The following GABPB1 variants were observed in gnomAD, a reference collection of about 807,000 sequenced individuals.
The protein encoded by GABPB1 is GA-binding protein subunit beta-1.
GABPB1 carries 15 observed loss-of-function variants against 45.9 expected under a neutral mutation model. The ratio of observed to expected loss-of-function variants is 0.33; its 90% CI spans 0.22 to 0.50. The LOEUF (loss-of-function observed/expected upper bound fraction) is 0.50, where lower values mean the gene tolerates loss of function less well. Among genes scored for constraint, GABPB1 ranks in the 20% least tolerant of loss-of-function variants. GABPB1 has a pLI of 0.98. For missense variants in GABPB1, 252 were observed against 457.5 expected, an observed-to-expected ratio of 0.55 and a Z score of 4.10; for synonymous variants, 143 against 154.4, an observed-to-expected ratio of 0.93 and a Z score of 0.55.
At chr15:50,354,779 G>A in intron 1 of GABPB1, 1 of 236,150 alleles carries the variant, frequency 4.2e-6, no homozygotes, top group Non-Finnish European at 8.5e-6. Flanking sequence ...ACAAAGCGCA[G>A]CGGCGGCGCG....
Position 50,305,276 on chromosome 15 carries a change from ATCTC to A in GABPB1, c.109-1147_109-1144del, listed in dbSNP as rs1192106173. Among the ~76,000 whole-genome samples the A allele has an allele frequency of 5.3e-5, 6 of 114,040 alleles. No homozygotes were observed. The East Asian group carries it at 9.7e-4, about 18-fold the overall frequency. 74.8% of individuals were successfully genotyped at this position (114,040 alleles called of 152,430 possible). A position where few individuals can be genotyped will look rare whatever the true frequency, so the allele number is the denominator to read the frequency against. The stretch of plus-strand genomic sequence containing the variant: ...TATATGTATAAAGGTCCTTAGTCCT[ATCTC>A]TCTATCTATCTATCTATAGATAGAG... On this transcript the variant is annotated intron_variant, in intron 2 of 8. Transcript: ENST00000380877.
chr15:50,282,560 GAAAAA>G (rs552203074), intron 8 of GABPB1, among the ~76,000 whole-genome samples: 2 of 88,992 alleles, frequency 2.2e-5, no homozygotes, highest in South Asian at 4.3e-4. Context: ...CCTTAAAAAA[GAAAAA>G]AAAAAAAAAA....
chr15:50,315,781 T>C (rs2047304666), intron 1 of GABPB1, among the ~76,000 whole-genome samples: 1 of 152,156 alleles, frequency 6.6e-6, no homozygotes, highest in African/African-American at 2.4e-5. Flanking sequence ...AATATCTATA[T>C]ATTAAAATTC....
At chr15:50,292,314 CAAAAAAAAAAAAA>C (rs762047613) in intron 6 of GABPB1, among the ~76,000 whole-genome samples, 1 of 49,570 alleles carries the variant, frequency 2.0e-5, no homozygotes, top group Non-Finnish European at 5.1e-5. Context: ...GACTCCATCT[CAAAAAAAAAAAAA>C]AAAAAAAAAA....
At chr15:50,352,165 TAATTTCTG>T (rs553286563) in intron 1 of GABPB1, 4 of 152,232 alleles carry the variant, frequency 2.6e-5, no homozygotes, top group East Asian at 1.9e-4. Flanking sequence ...AAACTTCATG[TAATTTCTG>T]AATTTCTGAA....
At chr15:50,349,708 T>C (rs1054785973) in intron 1 of GABPB1, 3 of 152,232 alleles carry the variant, frequency 2.0e-5, no homozygotes, top group African/African-American at 4.8e-5. Context: ...TTACAAATTC[T>C]CATGTACAAT....
At chr15:50,332,466 C>CT (rs1281537703) in intron 1 of GABPB1, among the ~76,000 whole-genome samples, 1 of 151,958 alleles carries the variant, frequency 6.6e-6, no homozygotes, top group African/African-American at 2.4e-5. Context: ...TTTTTTAAAT[C>CT]TTTTTTTAGA....
chr15:50,336,774 T>C (rs530418543), intron 1 of GABPB1, among the ~76,000 whole-genome samples: 4 of 151,474 alleles, frequency 2.6e-5, no homozygotes, highest in African/African-American at 9.7e-5. Flanking sequence ...ATTGGTCTAT[T>C]TTATGGTTTA....
chr15:50,323,726 T>G (rs568603863), intron 1 of GABPB1, among the ~76,000 whole-genome samples: 1 of 152,076 alleles, frequency 6.6e-6, no homozygotes, highest in East Asian at 1.9e-4. Flanking sequence ...ATTAGCTGTA[T>G]GTGGTCCTGT....
intron 8 of GABPB1, among the ~76,000 whole-genome samples, chr15:50,281,500 T>G (rs565799992): frequency 2.0e-5 from 3 of 152,160 alleles, no homozygotes; most frequent in Admixed American, 6.5e-5. Flanking sequence ...CGTGAGCCAC[T>G]GCGCCCGGCC....
intron 1 of GABPB1, among the ~76,000 whole-genome samples, chr15:50,345,245 AAG>A (rs959736804): frequency 6.6e-5 from 10 of 152,224 alleles, no homozygotes; most frequent in Non-Finnish European, 1.5e-4. Flanking sequence ...ACTAGCTGAA[AAG>A]AGTCAGGATG....
At chr15:50,338,269 A>G (rs2048218137) in intron 1 of GABPB1, among the ~76,000 whole-genome samples, 1 of 151,748 alleles carries the variant, frequency 6.6e-6, no homozygotes, top group Non-Finnish European at 1.5e-5. Context: ...CGAACTCCTA[A>G]CCTCAGGCGA....
chr15:50,331,362 T>G (rs2141125369), intron 1 of GABPB1, among the ~76,000 whole-genome samples: 1 of 152,340 alleles, frequency 6.6e-6, no homozygotes, highest in Middle Eastern at 3.4e-3. Flanking sequence ...GGTAGCAGCT[T>G]CCTCCTGTGA....
At chr15:50,295,694 G>A (rs752641596) in intron 6 of GABPB1, among the ~76,000 whole-genome samples, 13 of 151,222 alleles carry the variant, frequency 8.6e-5, no homozygotes, top group Non-Finnish European at 1.6e-4. Context: ...ACACAAAATG[G>A]TATGAGTTGG....
intron 1 of GABPB1, among the ~76,000 whole-genome samples, chr15:50,334,488 ATCTTTT>A (rs1444886116): frequency 5.6e-5 from 7 of 124,080 alleles, no homozygotes; most frequent in Non-Finnish European, 1.2e-4. Flanking sequence ...CAGTTACTTT[ATCTTTT>A]TCTTTTTTTC....
chr15:50,316,664 A>C (rs1321511121), intron 1 of GABPB1, among the ~76,000 whole-genome samples: 1 of 152,162 alleles, frequency 6.6e-6, no homozygotes, highest in Non-Finnish European at 1.5e-5. Context: ...TACTCAAATA[A>C]ACCCATCATA....
chr15:50,294,733 C>G (rs1024219047), intron 6 of GABPB1, among the ~76,000 whole-genome samples: 1 of 152,052 alleles, frequency 6.6e-6, no homozygotes, highest in Admixed American at 6.5e-5. Context: ...CAAAACAGAC[C>G]TGGTTCAAAT....
rs543545984 is a variant in GABPB1 at position 50,283,713 on chromosome 15, T to C, written c.999+2355A>G. On this transcript the variant is annotated intron_variant, in intron 8 of 8. Transcript: ENST00000380877. ...TTTTAGTAGAGATGGGGTTTTGCCA[T>C]GTTGGCCAGGCTGGTCTCGAACTCC... Among the ~76,000 whole-genome samples the C allele has an allele frequency of 4.9e-4, 74 of 152,212 alleles. 1 individual carries two copies. The highest frequency in any genetic ancestry group is 1.7e-3 in the African/African-American group (70 of 41,544).
At chr15:50,343,596 T>G (rs1224913171) in intron 1 of GABPB1, among the ~76,000 whole-genome samples, 1 of 152,012 alleles carries the variant, frequency 6.6e-6, no homozygotes, top group Non-Finnish European at 1.5e-5. Context: ...GGAGGTGCAG[T>G]GGTGCCATCT....
Sources: allele counts gnomAD v4.1 joint callset (sites outside exome capture counted in the v4.1 genomes callset), GRCh38; gene constraint gnomAD v4.1.1; transcripts MANE v1.5; gene names NCBI Gene and HGNC (gene_info 2026-07-23, HGNC 2026-07-21).